The following GRM8 variants were observed in gnomAD, a reference collection of about 807,000 sequenced individuals.
GRM8 encodes glutamate metabotropic receptor 8.
A neutral mutation model predicts 87.2 loss-of-function variants in GRM8; 47 were observed. The ratio of observed to expected loss-of-function variants is 0.54; its 90% CI spans 0.43 to 0.69. The LOEUF (loss-of-function observed/expected upper bound fraction) is 0.69, where lower values mean the gene tolerates loss of function less well. Ranked by LOEUF, GRM8 falls within the 30% of genes least tolerant of loss-of-function variation. The probability of loss-of-function intolerance (pLI) is 0.00; values close to 1 mark genes in which losing one functional copy is unlikely to be tolerated. For synonymous variants in GRM8, 396 were observed against 404.5 expected (o/e 0.98, Z 0.25); for missense variants, 1,019 against 1,139.2 (o/e 0.89, Z 1.52).
At chr7:127,173,395 C>T (rs906380571) in intron 2 of GRM8, among the ~76,000 whole-genome samples, 1 of 151,934 alleles carries the variant, frequency 6.6e-6, no homozygotes, top group African/African-American at 2.4e-5. Context: ...GAGCAAAGGT[C>T]ATGGGGAAGG....
At chr7:126,538,640 A>G (rs1002259497) in intron 8 of GRM8, among the ~76,000 whole-genome samples, 1 of 152,014 alleles carries the variant, frequency 6.6e-6, no homozygotes, top group Non-Finnish European at 1.5e-5. Flanking sequence ...TTATTAATTA[A>G]TAATTATTTT....
At chr7:127,054,055 G>A (rs1819745974) in intron 3 of GRM8, among the ~76,000 whole-genome samples, 1 of 151,970 alleles carries the variant, frequency 6.6e-6, no homozygotes, top group Non-Finnish European at 1.5e-5. Flanking sequence ...GTCTGACTTG[G>A]CCCATCTCAG....
rs528741068 is a variant in GRM8 at position 126,947,042 on chromosome 7, C to T, written c.728-42359G>A. Among the ~76,000 whole-genome samples, 6 of 152,280 alleles carry T rather than the reference C, an allele frequency of 3.9e-5. No homozygotes were observed. In the East Asian group the frequency reaches 1.2e-3, roughly 29 times the overall value. On this transcript the variant is annotated intron_variant, in intron 3 of 10. Transcript: ENST00000339582. ...TTCATCTTCCATGAAGCTGGAGCCCCACTAACTGAGGCTTAAGTGGGTTAT... is the reference window on the plus strand; with the variant it reads ...TTCATCTTCCATGAAGCTGGAGCCCTACTAACTGAGGCTTAAGTGGGTTAT...
chr7:126,762,335 T>C (rs1817663857), intron 7 of GRM8, among the ~76,000 whole-genome samples: 1 of 152,056 alleles, frequency 6.6e-6, no homozygotes, highest in Non-Finnish European at 1.5e-5. Flanking sequence ...CATTTTAGTA[T>C]AATCTTTCCA....
chr7:126,502,592 A>C (rs2150702672), intron 9 of GRM8, among the ~76,000 whole-genome samples: 1 of 152,210 alleles, frequency 6.6e-6, no homozygotes, highest in East Asian at 1.9e-4. Flanking sequence ...TGTTTCAGTA[A>C]AACTCTGCAG....
intron 9 of GRM8, among the ~76,000 whole-genome samples, chr7:126,516,941 T>C (rs1812256261): frequency 1.3e-5 from 2 of 152,046 alleles, no homozygotes; most frequent in African/African-American, 4.8e-5. Flanking sequence ...ACTATGTTAT[T>C]AGAGTGTGGA....
At chr7:126,947,930 A>C (rs1440405535) in intron 3 of GRM8, among the ~76,000 whole-genome samples, 1 of 152,186 alleles carries the variant, frequency 6.6e-6, no homozygotes, top group Non-Finnish European at 1.5e-5. Flanking sequence ...AAGGGTGAGG[A>C]AGCTAAGGTC....
intron 3 of GRM8, among the ~76,000 whole-genome samples, chr7:126,965,848 T>C (rs1809795529): frequency 6.6e-6 from 1 of 152,086 alleles, no homozygotes; most frequent in African/African-American, 2.4e-5. Flanking sequence ...AATTAGCTTC[T>C]CATTACACTT....
intron 9 of GRM8, among the ~76,000 whole-genome samples, chr7:126,485,678 C>A (rs1396335911): frequency 6.6e-6 from 1 of 151,930 alleles, no homozygotes; most frequent in African/African-American, 2.4e-5. Flanking sequence ...TCAGTGGTTG[C>A]CCCTCTGCCA....
At chr7:127,074,319 G>A (rs907198539) in intron 3 of GRM8, among the ~76,000 whole-genome samples, 2 of 152,164 alleles carry the variant, frequency 1.3e-5, no homozygotes, top group Admixed American at 1.3e-4. Context: ...CATAGTCAAT[G>A]TTTTACATTT....
rs570363987 is a variant in GRM8, at chr7:127,221,180, T to C, written c.510+21515A>G. On this transcript the variant is annotated intron_variant, in intron 2 of 10. Coordinates refer to ENST00000339582, the MANE Select transcript of GRM8 (RefSeq NM_000845.3). ...CTGAGTCAAACAGGCCTTAAAAGTC[T>C]ACCTATGCCAATCTTGTCATTTACA... is the stretch of plus-strand genomic sequence containing the variant. Among the ~76,000 whole-genome samples the C allele has an allele frequency of 3.3e-5, 5 of 152,320 alleles. No homozygotes were observed. In the South Asian group the frequency reaches 1.0e-3, roughly 32 times the overall value.
At chr7:126,530,900 TG>T (rs1814709129) in intron 9 of GRM8, among the ~76,000 whole-genome samples, 1 of 152,202 alleles carries the variant, frequency 6.6e-6, no homozygotes, top group Non-Finnish European at 1.5e-5. Flanking sequence ...CTTGAACTCC[TG>T]GGCTCAAACA....
chr7:126,559,150 C>CTT lies in GRM8; in HGVS notation c.1495-25265_1495-25264dup, dbSNP rs551929723. Among the ~76,000 whole-genome samples the CTT allele has an allele frequency of 6.1e-3, 742 of 121,976 alleles. 8 individuals are homozygous for CTT. The highest frequency in any genetic ancestry group is 0.018 in the African/African-American group (585 of 32,606). The allele number at this position is 121,976 out of a possible 152,430, so 80.0% of individuals were successfully genotyped here. A position where few individuals can be genotyped will look rare whatever the true frequency, so the allele number is the denominator to read the frequency against. On this transcript the variant is annotated intron_variant, in intron 8 of 10. Coordinates refer to ENST00000339582, the MANE Select transcript of GRM8 (RefSeq NM_000845.3). ...AGTGTCAGCTACTGGTAATCTTTTG[C>CTT]TTTTTTTTTTTTTTTTTTTTAAGGC...
intron 6 of GRM8, chr7:126,870,226 G>A (rs79063557): frequency 6.6e-6 from 1 of 152,168 alleles, no homozygotes; most frequent in Non-Finnish European, 1.5e-5. Context: ...CTCTTTATTA[G>A]GCTTTGGCTT....
chr7:126,624,789 C>T (rs1800512652), intron 7 of GRM8, among the ~76,000 whole-genome samples: 1 of 152,194 alleles, frequency 6.6e-6, no homozygotes, highest in Non-Finnish European at 1.5e-5. Flanking sequence ...ATTAAAACCC[C>T]CTAAGTGGTC....
intron 3 of GRM8, among the ~76,000 whole-genome samples, chr7:127,031,233 G>T (rs1817330016): frequency 6.6e-6 from 1 of 151,986 alleles, no homozygotes. Flanking sequence ...CTTAAATTTA[G>T]CTCCACTACA....
chr7:126,921,100 A>G (rs534097646), intron 3 of GRM8, among the ~76,000 whole-genome samples: 29 of 152,154 alleles, frequency 1.9e-4, no homozygotes, highest in African/African-American at 6.5e-4. Flanking sequence ...CAAAGCAAAC[A>G]GAAGAGGTAA....
At chr7:126,974,256 G>C (rs1810722535) in intron 3 of GRM8, among the ~76,000 whole-genome samples, 1 of 152,124 alleles carries the variant, frequency 6.6e-6, no homozygotes, top group Admixed American at 6.5e-5. Context: ...CTGGCCTCAA[G>C]TATTTTGGAT....
At position 126,514,564 on chromosome 7, in the gene GRM8, G is replaced by C. The variant is rs544526901; in HGVS notation, c.2430+18388C>G. 1.1e-4 allele frequency among the ~76,000 whole-genome samples: 17 copies of C among 152,132 alleles called. No homozygotes were observed. The East Asian group carries it at 2.3e-3, about 21-fold the overall frequency. ...TCTCTAAGCTTTTACTCAACACCTT[G>C]AGGACAGAGAATGCAAAACTATATA... On this transcript the variant is annotated intron_variant, in intron 9 of 10. Transcript: ENST00000339582.
Sources: gnomAD v4.1 joint callset for allele counts (sites outside exome capture counted in the v4.1 genomes callset) on GRCh38, gnomAD v4.1.1 for gene constraint, MANE v1.5 for transcripts, NCBI Gene and HGNC (gene_info 2026-07-23, HGNC 2026-07-21) for gene names.